TMEM217: variants seen among roughly 807,000 people sequenced by gnomAD.
The protein encoded by TMEM217 is transmembrane protein 217.
For missense variants in TMEM217, 204 were observed against 248.8 expected, an observed-to-expected ratio of 0.82 and a Z score of 1.21; for synonymous variants, 76 against 88.3, an observed-to-expected ratio of 0.86 and a Z score of 0.78.
At chr6:37,225,837 A>T (rs1176287726) in intron 1 of TMEM217, among the ~76,000 whole-genome samples, 1 of 152,184 alleles carries the variant, frequency 6.6e-6, no homozygotes, top group Admixed American at 6.5e-5. Flanking sequence ...GTGCCACTTT[A>T]CAGTCTTGCT....
At chr6:37,224,774 G>A (rs1269912283) in intron 1 of TMEM217, among the ~76,000 whole-genome samples, 7 of 152,026 alleles carry the variant, frequency 4.6e-5, no homozygotes, top group Non-Finnish European at 8.8e-5. Context: ...TATTTTTCAA[G>A]ATTGAGAGCA....
chr6:37,217,861 C>T, exon 2 of TMEM217: 1 of 985,566 alleles, frequency 1.0e-6, no homozygotes, highest in South Asian at 4.7e-5. Flanking sequence ...TGCAATTCAG[C>T]TTCATCTTAT....
chr6:37,229,335 G>GTTTTTTTTTTTTTTT (rs372385535), intron 1 of TMEM217, among the ~76,000 whole-genome samples: 3 of 74,368 alleles, frequency 4.0e-5, no homozygotes, highest in African/African-American at 1.1e-4. Flanking sequence ...GCAACTTTCA[G>GTTTTTTTTTTTTTTT]TTTTTTTTTT....
intron 1 of TMEM217, among the ~76,000 whole-genome samples, chr6:37,233,764 C>T (rs888073437): frequency 3.7e-4 from 56 of 152,248 alleles, no homozygotes; most frequent in African/African-American, 1.2e-3. Flanking sequence ...TTACTTAAGT[C>T]GCTAACTAAC....
chr6:37,228,707 A>G (rs770471901), intron 1 of TMEM217, among the ~76,000 whole-genome samples: 1 of 151,570 alleles, frequency 6.6e-6, no homozygotes, highest in African/African-American at 2.4e-5. Context: ...TCGTTTCAAT[A>G]ATAATAATAG....
chr6:37,240,514 C>G (rs780810705), intron 1 of TMEM217, among the ~76,000 whole-genome samples: 98 of 151,902 alleles, frequency 6.5e-4, no homozygotes, highest in Non-Finnish European at 1.0e-3. Flanking sequence ...GAGAGAGAGA[C>G]CAAAATGGAA....
At chr6:37,242,597 A>T (rs977170501) in intron 1 of TMEM217, among the ~76,000 whole-genome samples, 4 of 152,176 alleles carry the variant, frequency 2.6e-5, no homozygotes, top group African/African-American at 9.7e-5. Context: ...GGTAATTCTG[A>T]CAGTAAATCA....
At chr6:37,216,379 C>G (rs900505942), downstream of TMEM217, among the ~76,000 whole-genome samples, 1 of 152,014 alleles carries the variant, frequency 6.6e-6, no homozygotes, top group Admixed American at 6.6e-5. Flanking sequence ...GCGCCTGGCC[C>G]GATTTGCATT....
intron 1 of TMEM217, among the ~76,000 whole-genome samples, chr6:37,225,997 CT>C (rs1763800914): frequency 6.6e-6 from 1 of 152,134 alleles, no homozygotes; most frequent in South Asian, 2.1e-4. Context: ...CAGCCATTGT[CT>C]TTTGGGGTTT....
rs1554170984 is a variant in TMEM217 at position 37,229,345 on chromosome 6, T to TTTTG, written c.-11-10305_-11-10304insCAAA. On this transcript the variant is annotated intron_variant, in intron 1 of 1. Transcript: ENST00000357219. Reference sequence around the variant, plus strand: ...CCCTAGCAACTTTCAGTTTTTTTTTTTTTTTTTTTTTTTTTGAGACAGTGT... The same window carrying TTTTG: ...CCCTAGCAACTTTCAGTTTTTTTTTTTTTGTTTTTTTTTTTTTTTGAGACAGTGT... 3.9e-5 allele frequency among the ~76,000 whole-genome samples: 5 copies of TTTTG among 128,756 alleles called. 1 individual carries two copies. The highest frequency in any genetic ancestry group is 5.6e-4 in the South Asian group (2 of 3,584). 84.5% of individuals were successfully genotyped at this position (128,756 alleles called of 152,430 possible). A position where few individuals can be genotyped will look rare whatever the true frequency, so the allele number is the denominator to read the frequency against.
At chr6:37,249,282 A>G (rs1247600527) in intron 1 of TMEM217, among the ~76,000 whole-genome samples, 1 of 152,190 alleles carries the variant, frequency 6.6e-6, no homozygotes, top group East Asian at 1.9e-4. Context: ...ATAGAAAGGA[A>G]GAAATGAATA....
intron 1 of TMEM217, among the ~76,000 whole-genome samples, chr6:37,253,031 T>C (rs913244937): frequency 6.6e-6 from 1 of 152,132 alleles, no homozygotes; most frequent in African/African-American, 2.4e-5. Flanking sequence ...CTACCAAAAT[T>C]TGCTTAATTT....
intron 1 of TMEM217, among the ~76,000 whole-genome samples, chr6:37,244,959 T>A (rs1323782270): frequency 6.6e-6 from 1 of 152,228 alleles, no homozygotes; most frequent in African/African-American, 2.4e-5. Context: ...TAGTTCCACA[T>A]GTTTTTCATC....
intron 1 of TMEM217, among the ~76,000 whole-genome samples, chr6:37,248,175 C>T (rs1765200035): frequency 6.6e-6 from 1 of 152,080 alleles, no homozygotes; most frequent in South Asian, 2.1e-4. Context: ...ATAGTATACA[C>T]CTCCATTTTT....
downstream of TMEM217, among the ~76,000 whole-genome samples, chr6:37,214,837 G>A (rs1763095822): frequency 6.6e-6 from 1 of 152,136 alleles, no homozygotes. Context: ...GAGGGCCCAG[G>A]AGGGAGGCAG....
At chr6:37,246,674 G>A (rs771312951) in intron 1 of TMEM217, among the ~76,000 whole-genome samples, 4 of 152,106 alleles carry the variant, frequency 2.6e-5, no homozygotes, top group Non-Finnish European at 5.9e-5. Flanking sequence ...AGGCTGAGGC[G>A]GGAGGATCAC....
chr6:37,255,091 C>G (rs1055985635), intron 1 of TMEM217, among the ~76,000 whole-genome samples: 3 of 152,122 alleles, frequency 2.0e-5, no homozygotes, highest in African/African-American at 7.2e-5. Context: ...GGCCTGGTTC[C>G]TAACAGGCAA....
intron 1 of TMEM217, among the ~76,000 whole-genome samples, chr6:37,249,873 C>T (rs1765306460): frequency 1.3e-5 from 2 of 152,196 alleles, no homozygotes; most frequent in South Asian, 2.1e-4. Flanking sequence ...TATGCATACA[C>T]TCCAGACCAC....
chr6:37,218,441 T>C lies in TMEM217; in HGVS notation c.590A>G (p.Tyr197Cys), dbSNP rs756454925. The C allele has an allele frequency of 2.2e-5, 36 of 1,608,608 alleles. No individual in the cohort carries two copies. Among genetic ancestry groups the C allele is most frequent in the Non-Finnish European group, 3.1e-5 (36 of 1,177,082 alleles). The change falls in exon 2 of 2, where the codon TAC becomes TGC. Residue 197 changes from tyrosine to cysteine, a missense_variant. By Grantham distance (194) the Tyr-to-Cys change is radical. Coordinates refer to ENST00000357219, the Ensembl canonical transcript of TMEM217. The stretch of plus-strand genomic sequence containing the variant: ...ATCCACCTACCTCTGCCTCTCAAAG[T>C]ACTGGGATTCCAGGTGTGAGCCACT...
Sources: allele counts gnomAD v4.1 joint callset (sites outside exome capture counted in the v4.1 genomes callset), GRCh38; gene constraint gnomAD v4.1.1; transcripts MANE v1.5; gene names NCBI Gene and HGNC (gene_info 2026-07-23, HGNC 2026-07-21).